Variants in DOCK10 observed in about 807,000 individuals in gnomAD.
The protein encoded by DOCK10 is dedicator of cytokinesis 10.
DOCK10 carries 145 observed loss-of-function variants against 280.1 expected under a neutral mutation model. The ratio of observed to expected loss-of-function variants is 0.52; its 90% CI spans 0.45 to 0.59. The LOEUF (loss-of-function observed/expected upper bound fraction) is 0.59, where lower values mean the gene tolerates loss of function less well. Ranked by LOEUF, DOCK10 falls within the 20% of genes least tolerant of loss-of-function variation. The pLI, the probability that DOCK10 is intolerant of heterozygous loss-of-function variation, is 0.00. For missense variants in DOCK10, 2,368 were observed against 2,651.7 expected (o/e 0.89, Z 2.35); for synonymous variants, 915 against 942.2 (o/e 0.97, Z 0.53).
chr2:224,790,060 C>T (rs970406274), intron 47 of DOCK10, among the ~76,000 whole-genome samples: 12 of 152,264 alleles, frequency 7.9e-5, no homozygotes, highest in South Asian at 2.1e-4. Flanking sequence ...GGATTACAGG[C>T]GTGAGCCACT....
chr2:224,943,924 C>A (rs570754219), intron 1 of DOCK10, among the ~76,000 whole-genome samples: 2 of 152,028 alleles, frequency 1.3e-5, no homozygotes, highest in East Asian at 3.9e-4. Context: ...CCACCACGGC[C>A]GGCTAATTTT....
At chr2:224,886,039 A>C (rs368178644) in intron 6 of DOCK10, 24 bp downstream of exon 6, 1 of 1,613,606 alleles carries the variant, frequency 6.2e-7, no homozygotes, top group African/African-American at 1.3e-5. Context: ...ACAGAGATAA[A>C]GATGAGTCTT....
chr2:224,904,669 C>T (rs1700483846), intron 3 of DOCK10, among the ~76,000 whole-genome samples: 1 of 152,148 alleles, frequency 6.6e-6, no homozygotes, highest in Non-Finnish European at 1.5e-5. Flanking sequence ...TCTCCCAAAT[C>T]AACTAGTAAG....
chr2:224,775,888 T>C (rs571789174), intron 51 of DOCK10, among the ~76,000 whole-genome samples: 1 of 152,380 alleles, frequency 6.6e-6, no homozygotes, highest in African/African-American at 2.4e-5. Flanking sequence ...TTTGGGCTTG[T>C]GCCGAGGAGG....
At position 224,837,779 on chromosome 2, in the gene DOCK10, C is replaced by T. The variant is rs1366376757; in HGVS notation, c.2833G>A (p.Val945Ile). 9.3e-6 allele frequency: 15 copies of T among 1,613,878 alleles called. No homozygotes were observed. Among genetic ancestry groups the T allele is most frequent in the Non-Finnish European group, 1.2e-5 (14 of 1,179,844 alleles). Reference protein sequence around the residue: ...KCHEEQLDHSVQSYIKFVFKT... With the variant: ...KCHEEQLDHSIQSYIKFVFKT... ...TTTCATACCTTAATATATGACTGGA[C>T]AGAATGATCCAGCTGCTCCTCATGG... is the stretch of plus-strand genomic sequence containing the variant. The change falls in exon 25 of 56, where the codon GTC becomes ATC. Residue 945 changes from valine to isoleucine, a missense_variant. This residue lies in a region of DOCK10 where 1,209 missense variants were observed against 1,250.9 expected (regional missense o/e 0.97). Transcript: ENST00000258390.
In DOCK10 at chr2:224,805,186, A is replaced by T. The variant is rs373453961; in HGVS notation, c.4051+20T>A. The stretch of plus-strand genomic sequence containing the variant: ...GTTTTCTTTTTCCTTTTTTCAAAAA[A>T]ATTAAAGAATTCTCTTTACCGTACG... On this transcript the variant is annotated intron_variant, in intron 36 of 55. Transcript: ENST00000258390. This position sits in a 1 kb window ranked among gnomAD's most constrained non-coding sequence, Gnocchi z 4.3. 1.2e-6 allele frequency: 2 copies of T among 1,600,218 alleles called. No homozygotes were observed. The highest frequency in any genetic ancestry group is 2.7e-5 in the African/African-American group (2 of 73,638).
intron 51 of DOCK10, among the ~76,000 whole-genome samples, chr2:224,775,490 T>A (rs78726867): frequency 1.7e-5 from 2 of 120,684 alleles, no homozygotes; most frequent in East Asian, 4.1e-4. Flanking sequence ...TATTATTATT[T>A]TTTGAGACAG....
At chr2:224,977,754 A>G (rs930101148) in intron 1 of DOCK10, among the ~76,000 whole-genome samples, 2 of 152,198 alleles carry the variant, frequency 1.3e-5, no homozygotes, top group Non-Finnish European at 2.9e-5. Context: ...TTAAATAAGA[A>G]TCTACATTAG....
At position 225,042,451 on chromosome 2, in the gene DOCK10, A is replaced by G; in HGVS notation, c.-77T>C. The G allele has an allele frequency of 8.3e-7, 1 of 1,209,104 alleles. No individual in the cohort carries two copies. The highest frequency in any genetic ancestry group is 4.0e-5 in the South Asian group (1 of 24,714). 74.9% of individuals were successfully genotyped at this position (1,209,104 alleles called of 1,614,324 possible). On this transcript the variant is annotated 5_prime_UTR_variant, in exon 1 of 56. Coordinates refer to ENST00000258390, the MANE Select transcript of DOCK10 (RefSeq NM_014689.3). This position sits in a 1 kb window ranked among gnomAD's most constrained non-coding sequence, Gnocchi z 5.1. ...TTCCCCGCGCCAACCTTCTCTATCCACCCGCCGTTCAGGAAGCGGAACTCG... is the reference window on the plus strand; with the variant it reads ...TTCCCCGCGCCAACCTTCTCTATCCGCCCGCCGTTCAGGAAGCGGAACTCG...
intron 11 of DOCK10, among the ~76,000 whole-genome samples, chr2:224,872,426 T>TGTGAGTTGGA (rs1698350885): frequency 2.0e-5 from 3 of 152,280 alleles, no homozygotes; most frequent in South Asian, 4.1e-4. Flanking sequence ...TGGCACAACT[T>TGTGAGTTGGA]GTGAGTTGGA....
chr2:224,874,187 C>T, intron 10 of DOCK10, 36 bp from the exon 11 acceptor site: 1 of 1,573,122 alleles, frequency 6.4e-7, no homozygotes, highest in Non-Finnish European at 8.6e-7. Context: ...AAACATCCAA[C>T]ATAAAAAAGA....
chr2:224,856,431 T>C (rs1559574955), intron 15 of DOCK10, among the ~76,000 whole-genome samples: 2 of 152,184 alleles, frequency 1.3e-5, no homozygotes, highest in African/African-American at 2.4e-5. Flanking sequence ...GCCTATGGTA[T>C]GGATTTTGGC....
intron 27 of DOCK10, among the ~76,000 whole-genome samples, chr2:224,826,833 C>T (rs979972843): frequency 6.6e-6 from 1 of 151,880 alleles, no homozygotes; most frequent in Admixed American, 6.6e-5. Flanking sequence ...GCTTGGTGGC[C>T]ATGCCTGTAG....
chr2:224,958,101 C>A (rs1282397918), intron 1 of DOCK10, among the ~76,000 whole-genome samples: 1 of 152,152 alleles, frequency 6.6e-6, no homozygotes, highest in African/African-American at 2.4e-5. Context: ...ATAAAGATAA[C>A]CACAGTATCT....
At chr2:224,809,754 G>A (rs1257318381) in intron 31 of DOCK10, among the ~76,000 whole-genome samples, 4 of 151,966 alleles carry the variant, frequency 2.6e-5, no homozygotes, top group Non-Finnish European at 5.9e-5. Context: ...ACTGTTGGTG[G>A]AATACGGTCA....
At position 225,042,361 on chromosome 2, in the gene DOCK10, C is replaced by A. The variant is rs759877674; in HGVS notation, c.14G>T (p.Arg5Leu). The A allele has an allele frequency of 7.8e-7, 1 of 1,274,776 alleles. No homozygotes were observed. The highest frequency in any genetic ancestry group is 9.9e-7 in the Non-Finnish European group (1 of 1,008,638). 79.0% of individuals were successfully genotyped at this position (1,274,776 alleles called of 1,614,324 possible). Residue 5 changes from arginine (R) to leucine (L), a missense_variant, in exon 1 of 56, where the codon CGG becomes CTG. Coordinates refer to ENST00000258390, the MANE Select transcript of DOCK10 (RefSeq NM_014689.3). This position sits in a 1 kb window ranked among gnomAD's most constrained non-coding sequence, Gnocchi z 5.1. ...CAGGCTCCGGGTGAACCTGCGGGTCCGCTCACCGGCCATCGCCGGTCACGC... is the reference window on the plus strand; with the variant it reads ...CAGGCTCCGGGTGAACCTGCGGGTCAGCTCACCGGCCATCGCCGGTCACGC... Reference protein sequence around the residue: MAGERTRRFTRSLLR... With the variant: MAGELTRRFTRSLLR...
chr2:224,785,642 G>A (rs1013616921), intron 50 of DOCK10, among the ~76,000 whole-genome samples: 2 of 151,824 alleles, frequency 1.3e-5, no homozygotes, highest in African/African-American at 2.4e-5. Flanking sequence ...CACCACACCC[G>A]GCTAATTTTT....
At chr2:224,782,718 T>C (rs887611587) in intron 50 of DOCK10, among the ~76,000 whole-genome samples, 1 of 152,176 alleles carries the variant, frequency 6.6e-6, no homozygotes, top group Non-Finnish European at 1.5e-5. Flanking sequence ...AACTATAAAA[T>C]GAGAGCAGTG....
intron 2 of DOCK10, among the ~76,000 whole-genome samples, chr2:224,919,233 T>A (rs1321300558): frequency 7.1e-6 from 1 of 141,446 alleles, no homozygotes; most frequent in Non-Finnish European, 1.6e-5. Flanking sequence ...GGTGTGAATG[T>A]ATGTGGGTGT....
Sources: gnomAD v4.1 joint callset for allele counts (sites outside exome capture counted in the v4.1 genomes callset) on GRCh38, gnomAD v4.1.1 for gene constraint, gnomAD v4.1.1 regional missense constraint, Gnocchi (gnomAD v3.1) non-coding constraint, MANE v1.5 for transcripts, NCBI Gene and HGNC (gene_info 2026-07-23, HGNC 2026-07-21) for gene names.